Variants in DNM3 observed in about 807,000 individuals in gnomAD.
DNM3 encodes dynamin-3.
DNM3 carries 47 observed loss-of-function variants against 101.6 expected under a neutral mutation model. The ratio of observed to expected loss-of-function variants is 0.46; its 90% CI spans 0.37 to 0.59. The LOEUF (loss-of-function observed/expected upper bound fraction) is 0.59. DNM3 is among the 20% of genes least tolerant of loss of function. The pLI, the probability that DNM3 is intolerant of heterozygous loss-of-function variation, is 0.00. For synonymous variants in DNM3, 385 were observed against 387.9 expected, an observed-to-expected ratio of 0.99 and a Z score of 0.09; for missense variants, 849 against 1,085.7, an observed-to-expected ratio of 0.78 and a Z score of 3.06.
chr1:172,240,501 G>T (rs1468111870), intron 14 of DNM3, among the ~76,000 whole-genome samples: 1 of 152,138 alleles, frequency 6.6e-6, no homozygotes, highest in Admixed American at 6.6e-5. Context: ...AAATCATGCT[G>T]CATTTGTAAA....
At chr1:172,378,490 T>A (rs1195390433) in intron 17 of DNM3, among the ~76,000 whole-genome samples, 3 of 142,570 alleles carry the variant, frequency 2.1e-5, no homozygotes, top group African/African-American at 7.9e-5. Flanking sequence ...AAGAATAAAT[T>A]ATCTTCTATA....
intron 19 of DNM3, among the ~76,000 whole-genome samples, chr1:172,388,149 G>C (rs780173547): frequency 6.6e-6 from 1 of 151,804 alleles, no homozygotes; most frequent in Admixed American, 6.6e-5. Flanking sequence ...CAGGAGAATC[G>C]CTTGAATTCA....
intron 14 of DNM3, among the ~76,000 whole-genome samples, chr1:172,168,467 C>T (rs1322032972): frequency 1.3e-5 from 2 of 151,894 alleles, no homozygotes; most frequent in African/African-American, 2.4e-5. Context: ...AGACAATTGC[C>T]TGATTGAGAA....
chr1:171,867,683 C>G (rs574296170), intron 1 of DNM3, among the ~76,000 whole-genome samples: 31 of 152,320 alleles, frequency 2.0e-4, no homozygotes, highest in African/African-American at 7.2e-4. Flanking sequence ...TTATTATCCA[C>G]TTTGGACATT....
intron 1 of DNM3, among the ~76,000 whole-genome samples, chr1:171,899,711 A>G (rs2125221585): frequency 6.6e-6 from 1 of 152,368 alleles, no homozygotes; most frequent in Middle Eastern, 3.4e-3. Flanking sequence ...GAGTTATACT[A>G]GACTTTGGAT....
chr1:171,983,186 G>A (rs2044945301), intron 2 of DNM3, among the ~76,000 whole-genome samples: 2 of 152,014 alleles, frequency 1.3e-5, no homozygotes, highest in African/African-American at 4.8e-5. Context: ...TGGGCACAGT[G>A]GTTCACTCCT....
At chr1:171,994,071 C>A (rs572566863) in intron 4 of DNM3, among the ~76,000 whole-genome samples, 4 of 151,474 alleles carry the variant, frequency 2.6e-5, no homozygotes, top group Non-Finnish European at 5.9e-5. Context: ...TGATTTAAAG[C>A]CTTTGTCTAG....
intron 1 of DNM3, among the ~76,000 whole-genome samples, chr1:171,879,683 A>T (rs1323052376): frequency 6.6e-6 from 1 of 152,078 alleles, no homozygotes; most frequent in Non-Finnish European, 1.5e-5. Context: ...TTCCATTATT[A>T]CTCCTAGGAA....
At chr1:172,127,456 G>A (rs1192039532) in intron 13 of DNM3, among the ~76,000 whole-genome samples, 3 of 149,846 alleles carry the variant, frequency 2.0e-5, no homozygotes, top group Non-Finnish European at 4.4e-5. Context: ...TTGCCCAGGC[G>A]GGAGTACAGT....
intron 14 of DNM3, among the ~76,000 whole-genome samples, chr1:172,243,919 G>T (rs1199406159): frequency 6.6e-6 from 1 of 151,806 alleles, no homozygotes; most frequent in Non-Finnish European, 1.5e-5. Flanking sequence ...CATTGTGCAG[G>T]TTAGTTACAT....
chr1:171,899,792 G>C (rs2038138799), intron 1 of DNM3, among the ~76,000 whole-genome samples: 1 of 152,160 alleles, frequency 6.6e-6, no homozygotes, highest in Non-Finnish European at 1.5e-5. Context: ...ATGGAAAATA[G>C]ACAAAACATA....
intron 17 of DNM3, chr1:172,338,801 GT>G (rs1469436617): frequency 4.1e-6 from 2 of 485,172 alleles, no homozygotes; most frequent in African/African-American, 1.9e-5. Flanking sequence ...CTTTCAGGGA[GT>G]TTTTCAGATG....
At chr1:171,981,970 C>T (rs2044835960) in intron 2 of DNM3, among the ~76,000 whole-genome samples, 1 of 152,270 alleles carries the variant, frequency 6.6e-6, no homozygotes, top group Middle Eastern at 3.4e-3. Flanking sequence ...TGACTACTCA[C>T]ATTGATGCTG....
intron 4 of DNM3, among the ~76,000 whole-genome samples, chr1:172,010,764 T>A (rs1174400520): frequency 6.6e-6 from 1 of 150,582 alleles, no homozygotes; most frequent in East Asian, 1.9e-4. Flanking sequence ...GAGTTTGTAG[T>A]TTTCATCAAT....
intron 1 of DNM3, among the ~76,000 whole-genome samples, chr1:171,890,125 T>G (rs1488751334): frequency 6.6e-6 from 1 of 152,202 alleles, no homozygotes; most frequent in Non-Finnish European, 1.5e-5. Context: ...ATTTAGAGTA[T>G]GATGAATGAA....
intron 2 of DNM3, among the ~76,000 whole-genome samples, chr1:171,974,357 A>G (rs1278010507): frequency 6.6e-5 from 10 of 152,084 alleles, no homozygotes; most frequent in Admixed American, 5.9e-4. Context: ...TATATTTTTC[A>G]TGACTGTCTA....
intron 14 of DNM3, chr1:172,132,904 C>A: frequency 1.9e-6 from 2 of 1,065,062 alleles, no homozygotes; most frequent in South Asian, 1.3e-5. Flanking sequence ...TTAGTCTTGG[C>A]GAGGATAACC....
At chr1:172,265,267 T>C (rs755979824) in intron 15 of DNM3, among the ~76,000 whole-genome samples, 1 of 152,018 alleles carries the variant, frequency 6.6e-6, no homozygotes, top group Non-Finnish European at 1.5e-5. Context: ...AAAAAAGGCT[T>C]CGGTGTCCTG....
rs373207763 is a variant in DNM3 at position 171,912,813 on chromosome 1, G to A, written c.162-8935G>A. ...CCATTCCCAGCAAAATTGGGATTCT[G>A]TTAATAAGAAAGGGAAAATAGATAT... On this transcript the variant is annotated intron_variant, in intron 1 of 20. Transcript: ENST00000627582. 1.1e-4 allele frequency among the ~76,000 whole-genome samples: 17 copies of A among 152,296 alleles called. 1 individual carries two copies. The South Asian group carries it at 2.1e-3, about 19-fold the overall frequency.
Sources: allele counts gnomAD v4.1 joint callset (sites outside exome capture counted in the v4.1 genomes callset), GRCh38; gene constraint gnomAD v4.1.1; transcripts MANE v1.5; gene names NCBI Gene and HGNC (gene_info 2026-07-23, HGNC 2026-07-21).